The following TUT7 variants were observed in gnomAD, a reference collection of about 807,000 sequenced individuals.
TUT7 encodes terminal uridylyltransferase 7.
Under a neutral mutation model 165.9 loss-of-function variants are expected in TUT7, and 33 were observed. That is an observed-to-expected ratio of 0.20 (90% CI 0.15 to 0.27). TUT7 has a LOEUF of 0.27. Ranked by LOEUF, TUT7 falls within the 10% of genes least tolerant of loss-of-function variation. The pLI, the probability that TUT7 is intolerant of heterozygous loss-of-function variation, is 1.00. For missense variants in TUT7, 1,338 were observed against 1,762.3 expected (o/e 0.76, Z 4.31); for synonymous variants, 552 against 608.1 (o/e 0.91, Z 1.36).
Position 86,311,865 on chromosome 9 carries a change from G to A in TUT7, c.3275-1056C>T, listed in dbSNP as rs932134362. 4.6e-5 allele frequency among the ~76,000 whole-genome samples: 7 copies of A among 152,214 alleles called. No individual in the cohort carries two copies. The highest frequency in any genetic ancestry group is 1.9e-4 in the East Asian group (1 of 5,184). ...TCCAGCTCCTAACCACGAGTGATCC[G>A]CCAGCCTTGGCCTCCGGAGGTGCCG... is the stretch of plus-strand genomic sequence containing the variant. On this transcript the variant is annotated intron_variant, in intron 17 of 26. Coordinates refer to ENST00000375963, the MANE Select transcript of TUT7 (RefSeq NM_024617.4). The surrounding 1 kb of genome is among the most constrained non-coding windows in gnomAD (Gnocchi z 4.4).
At chr9:86,292,661 C>T (rs923958178) in intron 26 of TUT7, among the ~76,000 whole-genome samples, 1 of 149,818 alleles carries the variant, frequency 6.7e-6, no homozygotes, top group Non-Finnish European at 1.5e-5. Flanking sequence ...TGCCTGTGAG[C>T]TACTTGGGAG....
At chr9:86,303,269 T>TTAAA (rs1246591193) in intron 24 of TUT7, 68 bp from the exon 25 acceptor site, 1 of 673,014 alleles carries the variant, frequency 1.5e-6, no homozygotes, top group African/African-American at 1.8e-5. Context: ...ACTAACCAGA[T>TTAAA]ATTAAACAGT....
intron 25 of TUT7, 139 bp downstream of exon 25, chr9:86,302,942 AAAAAT>A (rs1337571296): frequency 2.0e-6 from 1 of 508,024 alleles, no homozygotes; most frequent in African/African-American, 2.0e-5. Context: ...CATTTCATTA[AAAAAT>A]AAAATAAAAA....
rs1825780495 is a variant in TUT7, at chr9:86,289,831, A to T, written c.4421-1087T>A. ...AGAAGATCAGGAGGAGGTGGGTAGA[A>T]ATTCTGCTAAATAAATATTCATAAA... On this transcript the variant is annotated intron_variant, in intron 26 of 26. Transcript: ENST00000375963. Among the ~76,000 whole-genome samples the T allele has an allele frequency of 2.0e-5, 3 of 152,182 alleles. No individual in the cohort carries two copies. The South Asian group carries it at 6.2e-4, about 31-fold the overall frequency.
chr9:86,289,703 G>GA (rs1294091680), intron 26 of TUT7, among the ~76,000 whole-genome samples: 12 of 148,952 alleles, frequency 8.1e-5, no homozygotes, highest in East Asian at 2.0e-4. Flanking sequence ...ATATAAAATA[G>GA]AAAAAAAAAT....
intron 10 of TUT7, among the ~76,000 whole-genome samples, chr9:86,330,915 TCTAGACTGGAG>T (rs926308396): frequency 1.3e-5 from 2 of 151,734 alleles, no homozygotes; most frequent in African/African-American, 4.8e-5. Context: ...TGCTCTGTTT[TCTAGACTGGAG>T]TGCAGTGGTG....
At chr9:86,348,684 T>C (rs1175660675) in intron 2 of TUT7, among the ~76,000 whole-genome samples, 1 of 151,870 alleles carries the variant, frequency 6.6e-6, no homozygotes, top group Non-Finnish European at 1.5e-5. Context: ...GCCCAGGAGG[T>C]GAGGCTGTGG....
rs1404316141 is a variant in TUT7, at chr9:86,308,619, G to A, written c.3661-13C>T. ...ACCAATAGGTAGGCTAGAAATAGAA[G>A]GGAACAAGGGATACCATGGTCTTTA... On this transcript the variant is annotated splice_polypyrimidine_tract_variant and intron_variant, in intron 21 of 26. Transcript: ENST00000375963. The A allele has an allele frequency of 1.9e-6, 3 of 1,595,062 alleles. No individual in the cohort carries two copies. In the East Asian group the frequency reaches 6.7e-5, roughly 36 times the overall value.
At chr9:86,306,844 C>T (rs1297038132) in intron 22 of TUT7, among the ~76,000 whole-genome samples, 1 of 152,126 alleles carries the variant, frequency 6.6e-6, no homozygotes, top group Non-Finnish European at 1.5e-5. Flanking sequence ...TGAAATGCCT[C>T]AATTCTAAAA....
chr9:86,329,391 C>T lies in TUT7; in HGVS notation c.1456-899G>A, dbSNP rs191997269. Among the ~76,000 whole-genome samples, 212 of 151,962 alleles carry T rather than the reference C, an allele frequency of 1.4e-3. 1 individual carries two copies. The highest frequency in any genetic ancestry group is 4.7e-3 in the African/African-American group (196 of 41,450). On this transcript the variant is annotated intron_variant, in intron 10 of 26. Transcript: ENST00000375963. ...ATACAAAATTAGCCAGGCATGGTGG[C>T]GCATGCCTGTAATTCCAGCTACTCA...
chr9:86,300,434 C>G (rs1826775817), intron 26 of TUT7, among the ~76,000 whole-genome samples: 1 of 152,164 alleles, frequency 6.6e-6, no homozygotes, highest in Non-Finnish European at 1.5e-5. Context: ...ACAGGATTGA[C>G]TACTTTAATT....
intron 1 of TUT7, among the ~76,000 whole-genome samples, 199 bp from the exon 2 acceptor site, chr9:86,353,429 T>C (rs1045264568): frequency 6.6e-6 from 1 of 152,128 alleles, no homozygotes; most frequent in Non-Finnish European, 1.5e-5. Flanking sequence ...TCTAATATTC[T>C]TCATGAAAAT....
At chr9:86,292,884 G>C (rs1360666987) in intron 26 of TUT7, among the ~76,000 whole-genome samples, 2 of 152,010 alleles carry the variant, frequency 1.3e-5, no homozygotes, top group African/African-American at 4.8e-5. Flanking sequence ...TAAACCCTTT[G>C]GTAAGTATAG....
intron 10 of TUT7, among the ~76,000 whole-genome samples, chr9:86,330,694 CAG>C (rs770459406): frequency 2.0e-5 from 3 of 152,092 alleles, no homozygotes; most frequent in Non-Finnish European, 2.9e-5. Context: ...CTAGGAGTTT[CAG>C]AGTTTTTAAC....
intron 11 of TUT7, 47 bp from the exon 12 acceptor site, chr9:86,325,561 C>G (rs1587946613): frequency 6.7e-7 from 1 of 1,501,814 alleles, no homozygotes; most frequent in Non-Finnish European, 9.0e-7. Context: ...GATGTAAGTA[C>G]AATCTGGAAA....
chr9:86,335,100 G>A (rs1351848519), intron 10 of TUT7, among the ~76,000 whole-genome samples: 1 of 152,150 alleles, frequency 6.6e-6, no homozygotes, highest in African/African-American at 2.4e-5. Context: ...AAGGAGAAAA[G>A]GACTATAACA....
intron 10 of TUT7, among the ~76,000 whole-genome samples, chr9:86,329,280 T>C (rs551104853): frequency 1.3e-5 from 2 of 152,060 alleles, no homozygotes; most frequent in East Asian, 1.9e-4. Context: ...TCCCAGCACT[T>C]TGGGAGGCTG....
rs1438640659 is a variant in TUT7, at chr9:86,345,117, G to A, written c.857C>T (p.Pro286Leu). 6.2e-7 allele frequency: 1 copy of A among 1,613,152 alleles called. No individual in the cohort carries two copies. The highest frequency in any genetic ancestry group is 1.1e-5 in the South Asian group (1 of 90,838). The part of the protein sequence containing the change: ...QEEELLTTLP[P>L]PTPSQINAVG... ...TGCATTTATCTGGGAGGGTGTTGGT[G>A]GGGGTAACGTAGTGAGCAACTCTTC... The change falls in exon 5 of 27, where the codon CCA becomes CTA. Residue 286 changes from proline (P) to leucine (L), a missense_variant. Around this residue, in one of 7 missense-constraint regions of TUT7, gnomAD observed 434 missense variants for 480.8 expected, o/e 0.90. Coordinates refer to ENST00000375963, the MANE Select transcript of TUT7 (RefSeq NM_024617.4).
intron 26 of TUT7, among the ~76,000 whole-genome samples, chr9:86,290,839 G>A (rs1198399410): frequency 6.6e-6 from 1 of 151,528 alleles, no homozygotes; most frequent in Admixed American, 6.6e-5. Flanking sequence ...CAGCCTGGGC[G>A]ACAGAGCAAG....
Sources: gnomAD v4.1 joint callset for allele counts (sites outside exome capture counted in the v4.1 genomes callset) on GRCh38, gnomAD v4.1.1 for gene constraint, gnomAD v4.1.1 regional missense constraint, Gnocchi (gnomAD v3.1) non-coding constraint, MANE v1.5 for transcripts, NCBI Gene and HGNC (gene_info 2026-07-23, HGNC 2026-07-21) for gene names.